UNC13C: variants seen among roughly 807,000 people sequenced by gnomAD.
UNC13C encodes unc-13 homolog C, also known as protein unc-13 homolog C.
Under a neutral mutation model 245.4 loss-of-function variants are expected in UNC13C, and 174 were observed. The ratio of observed to expected loss-of-function variants is 0.71; its 90% confidence interval spans 0.63 to 0.80. The LOEUF (loss-of-function observed/expected upper bound fraction) is 0.80, where lower values mean the gene tolerates loss of function less well. Among genes scored for constraint, UNC13C ranks in the 30% least tolerant of loss-of-function variants. The pLI is 0.00. For synonymous variants in UNC13C, 992 were observed against 895.1 expected, an observed-to-expected ratio of 1.11 and a Z score of -1.93; for missense variants, 2,829 against 2,602.9, an observed-to-expected ratio of 1.09 and a Z score of -1.89.
chr15:53,928,734 T>C, the UNC13C span, among the ~76,000 whole-genome samples: 1 of 152,206 alleles, frequency 6.6e-6, no homozygotes, highest in South Asian at 2.1e-4. Context: ...GCTTTCTAAG[T>C]GCATTTCTGG....
chr15:54,188,943 A>G (rs987212166), intron 4 of UNC13C, among the ~76,000 whole-genome samples: 2 of 152,182 alleles, frequency 1.3e-5, no homozygotes, highest in Admixed American at 6.5e-5. Context: ...ATTTTCTAGA[A>G]ACAATGCGTA....
Position 54,533,001 on chromosome 15 carries a change from T to A in UNC13C, c.5631T>A (p.Asn1877Lys). The A allele has an allele frequency of 1.2e-6, 2 of 1,601,218 alleles. No homozygotes were observed. The highest frequency in any genetic ancestry group is 1.1e-5 in the South Asian group (1 of 88,872). ...GAGCAAATGGAAACACCACATCTAATAAGAACAGTGCAGCAATGGATGCAG... is the reference window on the plus strand; with the variant it reads ...GAGCAAATGGAAACACCACATCTAAAAAGAACAGTGCAGCAATGGATGCAG... ...QMRANGNTTS[N>K]KNSAAMDAEI... The change falls in exon 26 of 33, where the codon AAT becomes AAA. Residue 1877 changes from asparagine to lysine, a missense_variant. Physicochemically the swap from Asn to Lys is moderately conservative, Grantham distance 94. Coordinates refer to ENST00000260323, the MANE Select transcript of UNC13C (RefSeq NM_001080534.3).
chr15:54,498,825 C>G (rs996030712), intron 20 of UNC13C, among the ~76,000 whole-genome samples: 1 of 152,104 alleles, frequency 6.6e-6, no homozygotes, highest in African/African-American at 2.4e-5. Context: ...CCCACATGGA[C>G]CTACAGTTTC....
At chr15:54,098,758 A>T (rs1900013749) in intron 2 of UNC13C, among the ~76,000 whole-genome samples, 2 of 152,204 alleles carry the variant, frequency 1.3e-5, no homozygotes, top group African/African-American at 4.8e-5. Flanking sequence ...CCAGTAAAAC[A>T]TTTTGACCAA....
At chr15:54,589,534 C>G (rs898889582) in intron 30 of UNC13C, among the ~76,000 whole-genome samples, 6 of 151,672 alleles carry the variant, frequency 4.0e-5, no homozygotes, top group African/African-American at 1.5e-4. Context: ...CCTGACCTAG[C>G]AATCCACCTG....
chr15:53,887,098 T>C, the UNC13C span, among the ~76,000 whole-genome samples: 1 of 152,300 alleles, frequency 6.6e-6, no homozygotes, highest in East Asian at 1.9e-4. Context: ...CTATGGACTT[T>C]GGTTAATCCT....
chr15:53,861,159 A>G, the UNC13C span, among the ~76,000 whole-genome samples: 2,618 of 152,270 alleles, frequency 0.017, 53 homozygotes, highest in East Asian at 0.08. Flanking sequence ...AGCATTTAAA[A>G]TAAATTTATG....
intron 2 of UNC13C, among the ~76,000 whole-genome samples, chr15:54,103,527 A>G (rs79025676): frequency 6.6e-6 from 1 of 152,212 alleles, no homozygotes; most frequent in East Asian, 1.9e-4. Context: ...ACTTTTGTAG[A>G]TTAAAAATAT....
the UNC13C span, among the ~76,000 whole-genome samples, chr15:53,889,981 C>T: frequency 4.6e-5 from 7 of 151,980 alleles, no homozygotes; most frequent in African/African-American, 9.7e-5. Flanking sequence ...ATTTTTACAT[C>T]GATGTTCATC....
At chr15:54,074,996 T>C (rs1358371079) in intron 2 of UNC13C, among the ~76,000 whole-genome samples, 2 of 152,150 alleles carry the variant, frequency 1.3e-5, no homozygotes, top group Admixed American at 6.5e-5. Context: ...ACTGGTGATG[T>C]AGGTTTTTAG....
intron 27 of UNC13C, among the ~76,000 whole-genome samples, chr15:54,547,801 A>AATACACACACACAT (rs1555393348): frequency 8.8e-6 from 1 of 114,094 alleles, no homozygotes; most frequent in African/African-American, 6.6e-5. Flanking sequence ...CACATTTATA[A>AATACACACACACAT]ATACACACAC....
At chr15:53,924,110 C>T in the UNC13C span, among the ~76,000 whole-genome samples, 2 of 151,958 alleles carry the variant, frequency 1.3e-5, no homozygotes, top group Non-Finnish European at 2.9e-5. Flanking sequence ...GGGAGGCTGA[C>T]ACAGGAGTAT....
chr15:54,584,754 T>G (rs1429010310), intron 30 of UNC13C, among the ~76,000 whole-genome samples: 1 of 152,262 alleles, frequency 6.6e-6, no homozygotes, highest in African/African-American at 2.4e-5. Flanking sequence ...TAATATTTCA[T>G]CTGGTCCTCT....
chr15:54,141,797 C>T (rs1053734212), intron 2 of UNC13C, among the ~76,000 whole-genome samples: 1 of 151,926 alleles, frequency 6.6e-6, no homozygotes, highest in African/African-American at 2.4e-5. Flanking sequence ...ATACATTTTA[C>T]CCTGTTTTGC....
At chr15:54,616,969 A>C (rs931293997) in intron 30 of UNC13C, among the ~76,000 whole-genome samples, 2 of 152,062 alleles carry the variant, frequency 1.3e-5, no homozygotes, top group African/African-American at 4.8e-5. Flanking sequence ...CAGGTGTTAC[A>C]ACTGCTTACA....
intron 8 of UNC13C, among the ~76,000 whole-genome samples, chr15:54,262,255 TAGA>T (rs1049508203): frequency 1.5e-4 from 23 of 152,336 alleles, no homozygotes; most frequent in Admixed American, 1.5e-3. Context: ...CACTCCTTCC[TAGA>T]GCCTTTGAGA....
At chr15:54,076,592 T>C (rs1449265214) in intron 2 of UNC13C, among the ~76,000 whole-genome samples, 1 of 150,662 alleles carries the variant, frequency 6.6e-6, no homozygotes. Flanking sequence ...ACACCACATT[T>C]ATTGGGTAGT....
intron 32 of UNC13C, among the ~76,000 whole-genome samples, chr15:54,625,357 G>C (rs548924534): frequency 3.6e-4 from 55 of 152,200 alleles, no homozygotes; most frequent in Non-Finnish European, 1.2e-4. Flanking sequence ...AAGGAGGGTG[G>C]ATCCACAGGG....
intron 30 of UNC13C, among the ~76,000 whole-genome samples, chr15:54,597,118 G>C (rs114361078): frequency 6.6e-6 from 1 of 152,040 alleles, no homozygotes; most frequent in Non-Finnish European, 1.5e-5. Flanking sequence ...CCTCACATGC[G>C]CAATTCACAA....
Sources: allele counts gnomAD v4.1 joint callset (sites outside exome capture counted in the v4.1 genomes callset), GRCh38; gene constraint gnomAD v4.1.1; transcripts MANE v1.5; gene names NCBI Gene and HGNC (gene_info 2026-07-23, HGNC 2026-07-21).